The following TAFA1 variants were observed in gnomAD, a reference collection of about 807,000 sequenced individuals.
TAFA1 encodes the protein TAFA chemokine like family member 1, also known as chemokine-like protein TAFA-1.
Under a neutral mutation model 18.5 loss-of-function variants are expected in TAFA1, and 4 were observed. That is an observed-to-expected ratio of 0.22 (90% confidence interval 0.11 to 0.49). The LOEUF (loss-of-function observed/expected upper bound fraction) is 0.49, where lower values mean the gene tolerates loss of function less well. Ranked by LOEUF, TAFA1 falls within the 20% of genes least tolerant of loss-of-function variation. The pLI is 0.98. For missense variants in TAFA1, 147 were observed against 169.0 expected (o/e 0.87, Z 0.72); for synonymous variants, 56 against 55.2 (o/e 1.01, Z -0.06).
intron 2 of TAFA1, among the ~76,000 whole-genome samples, chr3:68,019,800 CT>C (rs1704648587): frequency 6.6e-6 from 1 of 152,132 alleles, no homozygotes; most frequent in African/African-American, 2.4e-5. Context: ...AACAACACCC[CT>C]GTCTTCCAAA....
intron 2 of TAFA1, among the ~76,000 whole-genome samples, chr3:68,370,832 G>A (rs262206): frequency 0.5 from 72,877 of 145,756 alleles, 18,860 homozygotes; most frequent in East Asian, 0.76. Context: ...GAATGAGCTG[G>A]GGAGTGCCAG....
chr3:68,534,105 G>A (rs972255202), intron 3 of TAFA1, among the ~76,000 whole-genome samples: 1 of 152,112 alleles, frequency 6.6e-6, no homozygotes, highest in East Asian at 1.9e-4. Flanking sequence ...TGTCTCTAGT[G>A]GAGACGATTT....
upstream of TAFA1, among the ~76,000 whole-genome samples, chr3:68,001,457 A>G (rs184294465): frequency 3.0e-3 from 455 of 152,322 alleles, 2 homozygotes; most frequent in African/African-American, 0.01. Context: ...ATTATAGTAT[A>G]GAATATTGCC....
Position 68,417,292 on chromosome 3 carries a change from G to A in TAFA1, c.131G>A (p.Cys44Tyr). ...HHLHRPEGGT[C>Y]EVIAAHRCCN... ...TCTCTCTTGCCAGAAGGAGGGACGT[G>A]TGAAGTGATAGCAGCACACCGATGT... The change falls in exon 3 of 5, where the codon TGT becomes TAT. Residue 44 changes from cysteine (C) to tyrosine (Y), a missense_variant. By Grantham distance (194) the Cys-to-Tyr change is radical (BLOSUM62 -2). Transcript: ENST00000478136. 1.2e-6 allele frequency: 2 copies of A among 1,613,080 alleles called. No homozygotes were observed. The highest frequency in any genetic ancestry group is 1.7e-6 in the Non-Finnish European group (2 of 1,179,430).
chr3:68,395,249 C>T (rs1038306860), intron 2 of TAFA1, among the ~76,000 whole-genome samples: 1 of 152,084 alleles, frequency 6.6e-6, no homozygotes, highest in Non-Finnish European at 1.5e-5. Flanking sequence ...GAGATACCAT[C>T]TCAACCAGTT....
intron 2 of TAFA1, among the ~76,000 whole-genome samples, chr3:68,230,447 G>A (rs1465686587): frequency 2.0e-5 from 3 of 152,056 alleles, no homozygotes; most frequent in Admixed American, 2.0e-4. Flanking sequence ...CAAAAGACAG[G>A]ATTTCATTCT....
At chr3:68,194,084 A>G (rs2107020836) in intron 2 of TAFA1, among the ~76,000 whole-genome samples, 1 of 151,912 alleles carries the variant, frequency 6.6e-6, no homozygotes, top group African/African-American at 2.4e-5. Context: ...GCAGAAACTC[A>G]ACAGGACTGG....
intron 3 of TAFA1, among the ~76,000 whole-genome samples, chr3:68,430,780 C>G (rs1004163539): frequency 6.6e-6 from 1 of 151,970 alleles, no homozygotes; most frequent in African/African-American, 2.4e-5. Context: ...CTCCCAACCG[C>G]TCACACTGCT....
At chr3:68,351,607 A>G (rs1264829528) in intron 2 of TAFA1, among the ~76,000 whole-genome samples, 1 of 152,066 alleles carries the variant, frequency 6.6e-6, no homozygotes, top group East Asian at 1.9e-4. Context: ...AGCATCTTCA[A>G]AAAGGAACTA....
rs141389021 is a variant in TAFA1 at position 68,493,726 on chromosome 3, A to G, written c.260-45030A>G. Among the ~76,000 whole-genome samples the G allele has an allele frequency of 2.6e-3, 398 of 152,364 alleles. 3 individuals are homozygous for G. Among genetic ancestry groups the G allele is most frequent in the African/African-American group, 8.3e-3 (346 of 41,588 alleles). ...TAAACAAATAGCTTAGGTGATTTCT[A>G]TGATCAAGCACATTCTAGACAATGA... On this transcript the variant is annotated intron_variant, in intron 3 of 4. Transcript: ENST00000478136.
intron 2 of TAFA1, among the ~76,000 whole-genome samples, chr3:68,083,835 A>G (rs369925669): frequency 2.0e-5 from 3 of 151,890 alleles, no homozygotes; most frequent in East Asian, 3.9e-4. Flanking sequence ...TTTCATGATC[A>G]TGCTTCTTCA....
At position 68,209,419 on chromosome 3, in the gene TAFA1, G is replaced by C. The variant is rs551680549; in HGVS notation, c.118+202675G>C. ...ACAGCAGTAATTTCCAAGACTGTTA[G>C]ATAAAAAATGGATAATGTGGCTCTA... is the stretch of plus-strand genomic sequence containing the variant. On this transcript the variant is annotated intron_variant, in intron 2 of 4. Coordinates refer to ENST00000478136, the MANE Select transcript of TAFA1 (RefSeq NM_213609.4). 3.3e-5 allele frequency among the ~76,000 whole-genome samples: 5 copies of C among 152,134 alleles called. No homozygotes were observed. In the South Asian group the frequency reaches 6.2e-4, roughly 19 times the overall value.
chr3:68,027,812 A>G (rs1474166101), intron 2 of TAFA1, among the ~76,000 whole-genome samples: 2 of 152,194 alleles, frequency 1.3e-5, no homozygotes, highest in African/African-American at 4.8e-5. Flanking sequence ...ATGTTTTTGA[A>G]TGAATAAAGA....
intron 3 of TAFA1, among the ~76,000 whole-genome samples, chr3:68,477,541 AT>A (rs940055669): frequency 6.1e-4 from 89 of 147,026 alleles, no homozygotes; most frequent in African/African-American, 1.6e-3. Context: ...TGCTTGGCTA[AT>A]TTTTTTTTTT....
At chr3:68,070,521 T>C (rs1275154496) in intron 2 of TAFA1, among the ~76,000 whole-genome samples, 1 of 152,302 alleles carries the variant, frequency 6.6e-6, no homozygotes, top group East Asian at 1.9e-4. Context: ...TGGAGACATT[T>C]CCCCCATTGT....
chr3:68,061,352 T>C (rs1229354756), intron 2 of TAFA1, among the ~76,000 whole-genome samples: 1 of 152,224 alleles, frequency 6.6e-6, no homozygotes, highest in African/African-American at 2.4e-5. Context: ...AACTTCCCAT[T>C]TCAGGAATTC....
intron 2 of TAFA1, among the ~76,000 whole-genome samples, chr3:68,161,047 T>G (rs1256293721): frequency 6.6e-6 from 1 of 152,228 alleles, no homozygotes; most frequent in Non-Finnish European, 1.5e-5. Context: ...TTTAATTGCT[T>G]TTGTTTGAAA....
intron 2 of TAFA1, among the ~76,000 whole-genome samples, chr3:68,071,918 C>G (rs956550657): frequency 6.6e-6 from 1 of 151,558 alleles, no homozygotes; most frequent in African/African-American, 2.4e-5. Flanking sequence ...GCCCCCATGT[C>G]CCAAACACCT....
chr3:68,350,147 G>C (rs2069239687), intron 2 of TAFA1, among the ~76,000 whole-genome samples: 1 of 152,116 alleles, frequency 6.6e-6, no homozygotes, highest in Non-Finnish European at 1.5e-5. Context: ...CAAGACTGCA[G>C]TAAGAAAGAA....
Sources: gnomAD v4.1 joint callset for allele counts (sites outside exome capture counted in the v4.1 genomes callset) on GRCh38, gnomAD v4.1.1 for gene constraint, MANE v1.5 for transcripts, NCBI Gene and HGNC (gene_info 2026-07-23, HGNC 2026-07-21) for gene names.